DAP: variants seen among roughly 807,000 people sequenced by gnomAD.
The protein encoded by DAP is death-associated protein 1.
DAP carries 8 observed loss-of-function variants against 13.8 expected under a neutral mutation model. That is an observed-to-expected ratio of 0.58 (90% CI 0.34 to 1.05). The LOEUF (loss-of-function observed/expected upper bound fraction) is 1.05, where lower values mean the gene tolerates loss of function less well. Among genes scored for constraint, DAP ranks in the 50% least tolerant of loss-of-function variants. The probability of loss-of-function intolerance (pLI) is 0.03; values close to 1 mark genes in which losing one functional copy is unlikely to be tolerated. For missense variants in DAP, 106 were observed against 133.2 expected, an observed-to-expected ratio of 0.80 and a Z score of 1.01; for synonymous variants, 47 against 47.5, an observed-to-expected ratio of 0.99 and a Z score of 0.04.
chr5:10,752,577 G>A (rs1456557989), intron 1 of DAP, among the ~76,000 whole-genome samples: 1 of 152,216 alleles, frequency 6.6e-6, no homozygotes, highest in African/African-American at 2.4e-5. Flanking sequence ...CAGAAGTGCT[G>A]TGCAGAGGAT....
chr5:10,699,047 G>C (rs1221466439), intron 2 of DAP, among the ~76,000 whole-genome samples: 1 of 152,198 alleles, frequency 6.6e-6, no homozygotes, highest in African/African-American at 2.4e-5. Flanking sequence ...GTTTGGGGGG[G>C]ATCTCAGCAT....
chr5:10,760,705 A>T (rs866438606), intron 1 of DAP, among the ~76,000 whole-genome samples: 1 of 152,350 alleles, frequency 6.6e-6, no homozygotes, highest in African/African-American at 2.4e-5. Flanking sequence ...AAACTTTGTT[A>T]TAAGTTGTGC....
intron 2 of DAP, among the ~76,000 whole-genome samples, chr5:10,718,696 T>C (rs1311284733): frequency 6.6e-6 from 1 of 152,236 alleles, no homozygotes; most frequent in African/African-American, 2.4e-5. Flanking sequence ...TGTAGTTTCA[T>C]TGCTTGAGCA....
intron 3 of DAP, among the ~76,000 whole-genome samples, chr5:10,682,573 G>A (rs1738050810): frequency 6.6e-6 from 1 of 152,072 alleles, no homozygotes; most frequent in Non-Finnish European, 1.5e-5. Context: ...AGTTGTATGT[G>A]AGGAAGCCCA....
chr5:10,735,602 C>T (rs970085603), intron 2 of DAP, among the ~76,000 whole-genome samples: 2 of 152,184 alleles, frequency 1.3e-5, no homozygotes, highest in Admixed American at 6.5e-5. Flanking sequence ...GCTGGGGATG[C>T]ATGCAGAAAA....
chr5:10,741,558 G>C (rs1224793808), intron 2 of DAP, among the ~76,000 whole-genome samples: 2 of 152,198 alleles, frequency 1.3e-5, no homozygotes, highest in Non-Finnish European at 2.9e-5. Context: ...GTATACTGTT[G>C]TAAGTTTCTT....
At chr5:10,714,016 A>G (rs1738919225) in intron 2 of DAP, among the ~76,000 whole-genome samples, 1 of 152,250 alleles carries the variant, frequency 6.6e-6, no homozygotes, top group Non-Finnish European at 1.5e-5. Flanking sequence ...TGGAAAGGGC[A>G]TATGGGGTGT....
chr5:10,725,480 G>A (rs1360546704), intron 2 of DAP, among the ~76,000 whole-genome samples: 2 of 152,212 alleles, frequency 1.3e-5, no homozygotes, highest in Non-Finnish European at 2.9e-5. Flanking sequence ...GAGGCAGGGA[G>A]CCTCTGCAGA....
intron 1 of DAP, 56 bp downstream of exon 1, chr5:10,760,958 G>A (rs1467346322): frequency 1.7e-5 from 19 of 1,135,558 alleles, no homozygotes; most frequent in Non-Finnish European, 2.0e-5. Context: ...CGGCGCCCCC[G>A]GGTTCGAGCC....
chr5:10,680,614 G>T lies in DAP; in HGVS notation c.*442C>A. 3 of 997,216 alleles carry T rather than the reference G, an allele frequency of 3.0e-6. No homozygotes were observed. The highest frequency in any genetic ancestry group is 4.3e-6 in the Non-Finnish European group (3 of 692,388). 61.8% of individuals were successfully genotyped at this position (997,216 alleles called of 1,614,324 possible). ...GGGGCCGCCCAAACTCATTCCCTTA[G>T]TTCTTACTCTCCCACAGGTGTTGAG... On this transcript the variant is annotated 3_prime_UTR_variant, in exon 4 of 4. Transcript: ENST00000230895.
chr5:10,699,898 C>T (rs1738524247), intron 2 of DAP, among the ~76,000 whole-genome samples: 1 of 152,228 alleles, frequency 6.6e-6, no homozygotes, highest in African/African-American at 2.4e-5. Context: ...AGATAATATG[C>T]TTTACCACCA....
At chr5:10,728,198 T>C (rs1018796990) in intron 2 of DAP, among the ~76,000 whole-genome samples, 1 of 152,244 alleles carries the variant, frequency 6.6e-6, no homozygotes, top group African/African-American at 2.4e-5. Flanking sequence ...TTTTTTGTAT[T>C]TATTTACTAA....
chr5:10,755,189 G>A (rs1456947010), intron 1 of DAP, among the ~76,000 whole-genome samples: 3 of 152,164 alleles, frequency 2.0e-5, no homozygotes, highest in Non-Finnish European at 2.9e-5. Context: ...GGTCATTGCT[G>A]CCTTTGAAGA....
chr5:10,726,571 C>T (rs1344232497), intron 2 of DAP, among the ~76,000 whole-genome samples: 3 of 152,250 alleles, frequency 2.0e-5, no homozygotes, highest in East Asian at 3.9e-4. Context: ...GTGCCGGCCC[C>T]GGCCCAGGAG....
At chr5:10,736,981 G>A (rs1739627416) in intron 2 of DAP, among the ~76,000 whole-genome samples, 1 of 152,184 alleles carries the variant, frequency 6.6e-6, no homozygotes, top group African/African-American at 2.4e-5. Context: ...TGTGGCCCGT[G>A]GCACTCCAGC....
intron 2 of DAP, among the ~76,000 whole-genome samples, chr5:10,693,644 C>A (rs938826667): frequency 6.6e-6 from 1 of 152,216 alleles, no homozygotes; most frequent in Non-Finnish European, 1.5e-5. Context: ...GGGAACCAGA[C>A]TTGGAACGAG....
chr5:10,755,803 C>T (rs904384940), intron 1 of DAP, among the ~76,000 whole-genome samples: 9 of 152,124 alleles, frequency 5.9e-5, no homozygotes, highest in African/African-American at 1.9e-4. Context: ...GGGCACTGGC[C>T]GAAATGAAAA....
intron 3 of DAP, among the ~76,000 whole-genome samples, chr5:10,682,889 G>A (rs1738059642): frequency 6.6e-6 from 1 of 152,248 alleles, no homozygotes; most frequent in Non-Finnish European, 1.5e-5. Context: ...AGGATCTTAA[G>A]TTCAGATGTG....
intron 2 of DAP, among the ~76,000 whole-genome samples, chr5:10,738,496 C>T (rs267956): frequency 0.93 from 141,621 of 152,276 alleles, 66,159 homozygotes; most frequent in Non-Finnish European, 0.97. Context: ...TTCTGTGCAG[C>T]CCCTGCCCTG....
Sources: gnomAD v4.1 joint callset for allele counts (sites outside exome capture counted in the v4.1 genomes callset) on GRCh38, gnomAD v4.1.1 for gene constraint, MANE v1.5 for transcripts, NCBI Gene and HGNC (gene_info 2026-07-23, HGNC 2026-07-21) for gene names.